Variants in LRRTM4 observed in about 807,000 individuals in gnomAD.
The protein encoded by LRRTM4 is leucine-rich repeat transmembrane neuronal protein 4.
LRRTM4 carries 25 observed loss-of-function variants against 47.6 expected under a neutral mutation model. The observed-to-expected ratio is 0.53, with a 90% CI of 0.38 to 0.73. The LOEUF is 0.73. Among genes scored for constraint, LRRTM4 ranks in the 30% least tolerant of loss-of-function variants. The probability of loss-of-function intolerance (pLI) is 0.00; values close to 1 mark genes in which losing one functional copy is unlikely to be tolerated. For missense variants in LRRTM4, 638 were observed against 713.4 expected (o/e 0.89, Z 1.20); for synonymous variants, 311 against 269.5 (o/e 1.15, Z -1.51).
At chr2:76,847,474 A>G (rs376857799) in intron 3 of LRRTM4, among the ~76,000 whole-genome samples, 224 of 152,140 alleles carry the variant, frequency 1.5e-3, no homozygotes, top group African/African-American at 4.9e-3. Flanking sequence ...CCTTTTCTAT[A>G]TAGGTTTTCT....
intron 3 of LRRTM4, among the ~76,000 whole-genome samples, chr2:77,480,829 GAGAGAGA>G (rs1558763573): frequency 1.2e-4 from 5 of 41,476 alleles, no homozygotes; most frequent in African/African-American, 3.2e-4. Context: ...TGTGGAGAGA[GAGAGAGA>G]GAGAGAGAGA....
At chr2:77,084,305 T>C (rs888784106) in intron 3 of LRRTM4, among the ~76,000 whole-genome samples, 2 of 152,194 alleles carry the variant, frequency 1.3e-5, no homozygotes, top group African/African-American at 4.8e-5. Flanking sequence ...GCAACCATCT[T>C]GAACCCCGAA....
At chr2:77,484,387 A>C (rs1488833251) in intron 3 of LRRTM4, among the ~76,000 whole-genome samples, 1 of 152,082 alleles carries the variant, frequency 6.6e-6, no homozygotes, top group Non-Finnish European at 1.5e-5. Context: ...GTATTGGATC[A>C]TGGAATTACT....
At chr2:77,421,174 T>C (rs1033933024) in intron 3 of LRRTM4, among the ~76,000 whole-genome samples, 1 of 152,042 alleles carries the variant, frequency 6.6e-6, no homozygotes, top group African/African-American at 2.4e-5. Context: ...AAGACATAAA[T>C]TCCATTTAAA....
chr2:76,938,265 C>A (rs533376837), intron 3 of LRRTM4, among the ~76,000 whole-genome samples: 1 of 152,198 alleles, frequency 6.6e-6, no homozygotes, highest in Non-Finnish European at 1.5e-5. Flanking sequence ...ATCAAAAATG[C>A]ATCATTTGGT....
At chr2:77,154,006 C>G (rs1444595294) in intron 3 of LRRTM4, among the ~76,000 whole-genome samples, 1 of 152,142 alleles carries the variant, frequency 6.6e-6, no homozygotes. Flanking sequence ...TAACTGAGTA[C>G]TGCTCTTAGT....
At chr2:77,126,772 A>T (rs1340593814) in intron 3 of LRRTM4, among the ~76,000 whole-genome samples, 1 of 152,200 alleles carries the variant, frequency 6.6e-6, no homozygotes, top group African/African-American at 2.4e-5. Context: ...AGTATACGAA[A>T]GTTTTCAGCA....
intron 3 of LRRTM4, among the ~76,000 whole-genome samples, chr2:77,421,046 C>G (rs995055740): frequency 2.0e-5 from 3 of 151,256 alleles, no homozygotes; most frequent in Non-Finnish European, 4.4e-5. Flanking sequence ...CTTGGTATAG[C>G]AGGAAACAAG....
chr2:76,793,460 CTTTGTTCTATCTACT>C (rs1675085928), intron 3 of LRRTM4, among the ~76,000 whole-genome samples: 1 of 151,898 alleles, frequency 6.6e-6, no homozygotes, highest in African/African-American at 2.4e-5. Context: ...TTCAGACTGA[CTTTGTTCTATCTACT>C]TTAAGATAAG....
intron 3 of LRRTM4, among the ~76,000 whole-genome samples, chr2:77,311,466 G>A (rs11126601): frequency 0.23 from 34,452 of 152,034 alleles, 4,497 homozygotes; most frequent in East Asian, 0.47. Flanking sequence ...TTTACCAGCC[G>A]TGGGAAATTA....
intron 3 of LRRTM4, among the ~76,000 whole-genome samples, chr2:77,300,994 T>A: frequency 6.6e-6 from 1 of 152,166 alleles, no homozygotes; most frequent in African/African-American, 2.4e-5. Flanking sequence ...ATAGATGCAC[T>A]TTTTTTCTTT....
At chr2:76,906,113 A>T (rs1178439413) in intron 3 of LRRTM4, among the ~76,000 whole-genome samples, 5 of 152,204 alleles carry the variant, frequency 3.3e-5, no homozygotes, top group Non-Finnish European at 5.9e-5. Context: ...CGGGTTACCC[A>T]CAAAGGGAAG....
intron 3 of LRRTM4, among the ~76,000 whole-genome samples, chr2:77,356,845 C>T (rs953501824): frequency 2.0e-5 from 3 of 152,036 alleles, no homozygotes; most frequent in African/African-American, 4.8e-5. Context: ...CACAAGGGTG[C>T]GTGCTATGTT....
At chr2:77,156,201 A>G (rs571476156) in intron 3 of LRRTM4, among the ~76,000 whole-genome samples, 1 of 152,152 alleles carries the variant, frequency 6.6e-6, no homozygotes, top group South Asian at 2.1e-4. Context: ...AAACTCTAAG[A>G]GAGAGTATAT....
chr2:76,808,503 A>G (rs1417318759), intron 3 of LRRTM4, among the ~76,000 whole-genome samples: 1 of 152,008 alleles, frequency 6.6e-6, no homozygotes, highest in Non-Finnish European at 1.5e-5. Flanking sequence ...CTGAAATCCA[A>G]TCATGCCGAA....
At chr2:76,901,209 A>T (rs1283377647) in intron 3 of LRRTM4, among the ~76,000 whole-genome samples, 1 of 151,918 alleles carries the variant, frequency 6.6e-6, no homozygotes, top group East Asian at 1.9e-4. Context: ...CCCCCATCCC[A>T]AACCCCTACA....
At chr2:76,958,637 A>C (rs1675755367) in intron 3 of LRRTM4, among the ~76,000 whole-genome samples, 1 of 151,664 alleles carries the variant, frequency 6.6e-6, no homozygotes, top group Admixed American at 6.6e-5. Context: ...ATAACTCTTG[A>C]ATTTCACTCA....
At chr2:76,755,632 T>C (rs552297490) in intron 3 of LRRTM4, among the ~76,000 whole-genome samples, 3 of 152,236 alleles carry the variant, frequency 2.0e-5, no homozygotes, top group East Asian at 3.9e-4. Flanking sequence ...GCATGGTGTA[T>C]CCAGGGCTGG....
intron 3 of LRRTM4, among the ~76,000 whole-genome samples, chr2:77,150,052 T>C (rs963245353): frequency 6.6e-6 from 1 of 152,156 alleles, no homozygotes; most frequent in South Asian, 2.1e-4. Context: ...CTCTTGGAAG[T>C]TATCTATTTA....
Sources: allele counts gnomAD v4.1 joint callset (sites outside exome capture counted in the v4.1 genomes callset), GRCh38; gene constraint gnomAD v4.1.1; transcripts MANE v1.5; gene names NCBI Gene and HGNC (gene_info 2026-07-23, HGNC 2026-07-21).